NWD1: variants seen among roughly 807,000 people sequenced by gnomAD.
NWD1 encodes NACHT domain- and WD repeat-containing protein 1.
In NWD1, 129 loss-of-function variants were observed where a neutral mutation model predicts 135.1. The ratio of observed to expected loss-of-function variants is 0.96; its 90% confidence interval spans 0.83 to 1.11. The LOEUF (loss-of-function observed/expected upper bound fraction) is 1.11. Ranked by LOEUF, NWD1 falls within the 50% of genes least tolerant of loss-of-function variation. NWD1 has a pLI of 0.00. For synonymous variants in NWD1, 773 were observed against 786.0 expected (o/e 0.98, Z 0.28); for missense variants, 1,740 against 1,851.3 (o/e 0.94, Z 1.10).
At chr19:16,724,768 A>AC in intron 2 of NWD1, among the ~76,000 whole-genome samples, 1 of 152,062 alleles carries the variant, frequency 6.6e-6, no homozygotes, top group Non-Finnish European at 1.5e-5. Flanking sequence ...ATCTTGGCTC[A>AC]TGCAACCTCT....
intron 2 of NWD1, among the ~76,000 whole-genome samples, chr19:16,729,359 G>A (rs1257032613): frequency 6.6e-6 from 1 of 151,948 alleles, no homozygotes; most frequent in Non-Finnish European, 1.5e-5. Context: ...GAACCCACAA[G>A]GCCCTGGGGC....
chr19:16,804,013 G>A (rs756545476), intron 17 of NWD1, among the ~76,000 whole-genome samples: 45 of 152,158 alleles, frequency 3.0e-4, no homozygotes, highest in Admixed American at 9.8e-4. Context: ...CAATCTGGTT[G>A]TTTCCGTTTG....
chr19:16,744,833 C>A, intron 5 of NWD1, 115 bp downstream of exon 5: 1 of 844,838 alleles, frequency 1.2e-6, no homozygotes, highest in Non-Finnish European at 1.9e-6. Context: ...AATGCCAAAC[C>A]AGTCAACCTC....
At chr19:16,772,476 T>C (rs933926156) in intron 10 of NWD1, among the ~76,000 whole-genome samples, 5 of 152,048 alleles carry the variant, frequency 3.3e-5, no homozygotes, top group African/African-American at 1.2e-4. Context: ...TGAAACCCCG[T>C]TTCCACTAGA....
chr19:16,763,118 C>T (rs1200557717), intron 8 of NWD1, among the ~76,000 whole-genome samples: 1 of 152,008 alleles, frequency 6.6e-6, no homozygotes, highest in Non-Finnish European at 1.5e-5. Context: ...TCTTCTCCCC[C>T]CGAGACCCAT....
At chr19:16,754,462 TTCCA>T (rs59776692) in intron 6 of NWD1, among the ~76,000 whole-genome samples, 44,223 of 128,450 alleles carry the variant, frequency 0.34, 7,614 homozygotes, top group Middle Eastern at 0.47. Context: ...CATCTCTATT[TTCCA>T]TCCATCCATC....
chr19:16,735,776 G>A (rs1967771115), intron 3 of NWD1, among the ~76,000 whole-genome samples: 2 of 145,590 alleles, frequency 1.4e-5, no homozygotes, highest in African/African-American at 5.1e-5. Flanking sequence ...TTTACAATGA[G>A]CCAAGATCAT....
At chr19:16,763,268 C>T (rs544689988) in intron 8 of NWD1, among the ~76,000 whole-genome samples, 14 of 152,216 alleles carry the variant, frequency 9.2e-5, no homozygotes, top group African/African-American at 3.4e-4. Flanking sequence ...ATGCTTCTGA[C>T]CATCCAATCT....
At chr19:16,779,241 A>C in intron 11 of NWD1, 102 bp from the exon 12 acceptor site, 1 of 1,339,918 alleles carries the variant, frequency 7.5e-7, no homozygotes, top group South Asian at 1.2e-5. Context: ...TCTGTGCCTC[A>C]GTTGTCTTAT....
chr19:16,759,522 C>T, intron 7 of NWD1, 94 bp downstream of exon 7: 6 of 854,334 alleles, frequency 7.0e-6, no homozygotes, highest in Non-Finnish European at 1.1e-5. Context: ...TCAGATCCTT[C>T]ACTTACCATT....
chr19:16,742,473 G>A (rs1236418098), intron 4 of NWD1, among the ~76,000 whole-genome samples: 1 of 151,904 alleles, frequency 6.6e-6, no homozygotes, highest in African/African-American at 2.4e-5. Context: ...CCCTTTCTCC[G>A]TGGTCAGCCC....
In NWD1 at chr19:16,807,516, A is replaced by C. The variant is rs76935346; in HGVS notation, c.3737-70A>C. 2,717 of 1,318,118 alleles carry C rather than the reference A, an allele frequency of 2.1e-3. 51 individuals carry two copies. The African/African-American group carries it at 0.034, about 17-fold the overall frequency. The allele number at this position is 1,318,118 out of a possible 1,614,324, so 81.7% of individuals were successfully genotyped here. A position where few individuals can be genotyped will look rare whatever the true frequency, so the allele number is the denominator to read the frequency against. On this transcript the variant is annotated intron_variant, in intron 17 of 18. Coordinates refer to ENST00000524140, the MANE Select transcript of NWD1 (RefSeq NM_001007525.5). ...TCAAAAACAAAACAAAACAAAAAAA[A>C]CCACCAGGGAAGCAGGGCTGCTGTG...
intron 13 of NWD1, among the ~76,000 whole-genome samples, chr19:16,790,650 T>TA (rs1568383326): frequency 4.1e-4 from 49 of 118,882 alleles, no homozygotes; most frequent in Non-Finnish European, 5.7e-4. Context: ...AATAAATAAA[T>TA]AAATAAATAA....
chr19:16,744,447 C>T lies in NWD1; in HGVS notation c.225C>T (p.Pro75=). 2.0e-6 allele frequency: 3 copies of T among 1,535,760 alleles called. No homozygotes were observed. Among genetic ancestry groups the T allele is most frequent in the Non-Finnish European group, 2.6e-6 (3 of 1,146,628 alleles). Residue 75 remains proline (P), a synonymous_variant, in exon 5 of 19, where the codon CCC becomes CCT. Transcript: ENST00000524140. ...CCCTCATCGGTGATCAGTACGGCCC[C>T]TGTCTGATTCCCTCGCGGATCGATG... The part of the protein sequence containing the change: ...FVALIGDQYG[P]CLIPSRIDEK...
At chr19:16,781,353 G>A (rs1969846632) in intron 12 of NWD1, among the ~76,000 whole-genome samples, 1 of 152,016 alleles carries the variant, frequency 6.6e-6, no homozygotes, top group Non-Finnish European at 1.5e-5. Context: ...GGCTGGGCGT[G>A]GTGGCTTATC....
chr19:16,815,007 T>A, intron 18 of NWD1, 21 bp from the exon 19 acceptor site: 1 of 1,609,900 alleles, frequency 6.2e-7, no homozygotes, highest in Non-Finnish European at 8.5e-7. Flanking sequence ...CTCATTTGTG[T>A]CCTTCTCTTC....
chr19:16,731,022 T>A, intron 2 of NWD1, 170 bp from the exon 3 acceptor site: 1 of 439,006 alleles, frequency 2.3e-6, no homozygotes, highest in East Asian at 3.8e-5. Flanking sequence ...GGAGAGAGAA[T>A]CTCTTGAGGC....
Position 16,782,559 on chromosome 19 carries a change from A to T in NWD1, c.2731+3094A>T, listed in dbSNP as rs531557010. On this transcript the variant is annotated intron_variant, in intron 12 of 18. Coordinates refer to ENST00000524140, the MANE Select transcript of NWD1 (RefSeq NM_001007525.5). Reference sequence around the variant, plus strand: ...TTAGAGATGACATATTCAAATTTTTAAAAAATTTAAAGGGGTGCCCTAAAA... The same window carrying T: ...TTAGAGATGACATATTCAAATTTTTTAAAAATTTAAAGGGGTGCCCTAAAA... Among the ~76,000 whole-genome samples the T allele has an allele frequency of 1.6e-3, 244 of 152,254 alleles. 1 individual carries two copies. Among genetic ancestry groups the T allele is most frequent in the Middle Eastern group, 6.8e-3 (2 of 294 alleles).
Position 16,762,232 on chromosome 19 carries a change from C to T in NWD1, c.2133+94C>T. 3 of 1,112,062 alleles carry T rather than the reference C, an allele frequency of 2.7e-6. No homozygotes were observed. In the South Asian group the frequency reaches 4.4e-5, roughly 16 times the overall value. 68.9% of individuals were successfully genotyped at this position (1,112,062 alleles called of 1,614,324 possible). ...CTTCCCCTTTTTGCACTCGAAATGTCCTCCCGACCTACTTCTCCTTTCCGC... is the reference window on the plus strand; with the variant it reads ...CTTCCCCTTTTTGCACTCGAAATGTTCTCCCGACCTACTTCTCCTTTCCGC... On this transcript the variant is annotated intron_variant, in intron 8 of 18. Transcript: ENST00000524140.
Sources: allele counts gnomAD v4.1 joint callset (sites outside exome capture counted in the v4.1 genomes callset), GRCh38; gene constraint gnomAD v4.1.1; transcripts MANE v1.5; gene names NCBI Gene and HGNC (gene_info 2026-07-23, HGNC 2026-07-21).